Variants in RNF38 observed in about 807,000 individuals in gnomAD.
RNF38 encodes the protein E3 ubiquitin-protein ligase RNF38.
Under a neutral mutation model 67.2 loss-of-function variants are expected in RNF38, and 15 were observed. That is an observed-to-expected ratio of 0.22 (90% CI 0.15 to 0.34). RNF38 has a LOEUF of 0.34. RNF38 is among the 10% of genes least tolerant of loss of function. The pLI, the probability that RNF38 is intolerant of heterozygous loss-of-function variation, is 1.00. For missense variants in RNF38, 524 were observed against 639.9 expected, an observed-to-expected ratio of 0.82 and a Z score of 1.95; for synonymous variants, 220 against 218.8, an observed-to-expected ratio of 1.01 and a Z score of -0.05.
At position 36,377,045 on chromosome 9, in the gene RNF38, C is replaced by T. The variant is rs542080996; in HGVS notation, c.163-918G>A. Among the ~76,000 whole-genome samples, 3 of 151,676 alleles carry T rather than the reference C, an allele frequency of 2.0e-5. No homozygotes were observed. The East Asian group carries it at 5.8e-4, about 29-fold the overall frequency. On this transcript the variant is annotated intron_variant, in intron 2 of 11. Coordinates refer to ENST00000259605, the MANE Select transcript of RNF38 (RefSeq NM_022781.5). ...AGAATATCACAGCAGTTTGGAAGTA[C>T]TTTTAAAGTTTTCAAGGGTCCCACA...
chr9:36,411,871 A>G (rs1042205425), intron 2 of RNF38, among the ~76,000 whole-genome samples: 9 of 152,108 alleles, frequency 5.9e-5, no homozygotes, highest in African/African-American at 1.7e-4. Context: ...GCTCAGCCTT[A>G]CAAAAGAGTA....
At position 36,450,673 on chromosome 9, in the gene RNF38, G is replaced by A. The variant is rs973355413; in HGVS notation, n.242-25990C>T. Among the ~76,000 whole-genome samples the A allele has an allele frequency of 2.6e-5, 4 of 152,264 alleles. No homozygotes were observed. The South Asian group carries it at 6.2e-4, about 24-fold the overall frequency. ...CTCATGCCTGTAATCCTAGCACTTT[G>A]GGAGGCTGAGGTGGGCGAATCACCT... On this transcript the variant is annotated intron_variant and non_coding_transcript_variant, in intron 1 of 3. Coordinates refer to the RNF38 transcript ENST00000488058.
intron 1 of RNF38, among the ~76,000 whole-genome samples, chr9:36,393,237 T>C (rs1309881355): frequency 6.6e-6 from 1 of 152,200 alleles, no homozygotes; most frequent in East Asian, 1.9e-4. Flanking sequence ...TCTTAAGATC[T>C]TGGTCATAGA....
chr9:36,351,104 C>G lies in RNF38; in HGVS notation c.1263+11G>C, dbSNP rs1469940199. The G allele has an allele frequency of 6.4e-7, 1 of 1,567,832 alleles. No individual in the cohort carries two copies. Among genetic ancestry groups the G allele is most frequent in the Non-Finnish European group, 8.8e-7 (1 of 1,139,434 alleles). ...ATATTCCCCAAATTAATTCACAATT[C>G]ATCTACTAACCTCGTAATTTTCTAC... On this transcript the variant is annotated intron_variant, in intron 9 of 11. Transcript: ENST00000259605.
chr9:36,440,370 A>C (rs1262814624), intron 1 of RNF38, among the ~76,000 whole-genome samples: 1 of 152,204 alleles, frequency 6.6e-6, no homozygotes, highest in Admixed American at 6.5e-5. Context: ...AGTCTCTACT[A>C]AAAATACAAA....
chr9:36,373,126 G>A (rs1203234183), intron 3 of RNF38, among the ~76,000 whole-genome samples: 1 of 152,168 alleles, frequency 6.6e-6, no homozygotes, highest in African/African-American at 2.4e-5. Context: ...AGAATCACTT[G>A]AATGTGGGAG....
At chr9:36,477,201 G>A (rs1587212002) in intron 1 of RNF38, among the ~76,000 whole-genome samples, 4 of 151,802 alleles carry the variant, frequency 2.6e-5, no homozygotes, top group Non-Finnish European at 1.5e-5. Flanking sequence ...GTGGGCGCCT[G>A]TAATTCCAGC....
Position 36,342,335 on chromosome 9 carries a change from T to A in RNF38, c.1475A>T (p.Lys492Ile). The change falls in exon 11 of 12, where the codon AAA becomes ATA. Residue 492 changes from lysine (K) to isoleucine (I), a missense_variant. Transcript: ENST00000259605. ...NHEFHAKCVD[K>I]WLKANRTCPI... ...ATGTCATCACTTTACCTTAAGCCAT[T>A]TGTCAACACACTTGGCATGGAACTC... 1 of 1,608,884 alleles carries A rather than the reference T, an allele frequency of 6.2e-7. No homozygotes were observed. The highest frequency in any genetic ancestry group is 2.2e-5 in the East Asian group (1 of 44,846).
chr9:36,342,708 C>T (rs1832939818), intron 10 of RNF38, among the ~76,000 whole-genome samples: 1 of 152,028 alleles, frequency 6.6e-6, no homozygotes, highest in Non-Finnish European at 1.5e-5. Context: ...TGTCCACATA[C>T]AAAAGAATAA....
intron 2 of RNF38, among the ~76,000 whole-genome samples, chr9:36,418,047 G>T: frequency 6.9e-6 from 1 of 144,338 alleles, no homozygotes. Context: ...ATCAATATGT[G>T]ATTTTTTTTT....
At chr9:36,354,844 A>G (rs183852125) in intron 6 of RNF38, among the ~76,000 whole-genome samples, 112 of 152,386 alleles carry the variant, frequency 7.3e-4, no homozygotes, top group Non-Finnish European at 9.1e-4. Context: ...TTATTCAAAT[A>G]TAAGTAAATA....
At chr9:36,410,954 G>A (rs1240097176) in intron 2 of RNF38, among the ~76,000 whole-genome samples, 4 of 152,104 alleles carry the variant, frequency 2.6e-5, no homozygotes, top group Non-Finnish European at 4.4e-5. Context: ...ATGGAGAGTG[G>A]TGGTGGCTGC....
chr9:36,362,237 A>T (rs1435053293), intron 4 of RNF38, among the ~76,000 whole-genome samples: 1 of 151,876 alleles, frequency 6.6e-6, no homozygotes, highest in Admixed American at 6.6e-5. Flanking sequence ...GGGCACCTAT[A>T]ATCCCAGCTA....
At chr9:36,454,580 C>CTTTTTT (rs377679133) in intron 1 of RNF38, among the ~76,000 whole-genome samples, 2 of 112,466 alleles carry the variant, frequency 1.8e-5, no homozygotes, top group African/African-American at 3.4e-5. Flanking sequence ...CATTAATTTA[C>CTTTTTT]TTTTTTTTTT....
chr9:36,429,399 T>C (rs1478573688), intron 1 of RNF38, among the ~76,000 whole-genome samples: 2 of 152,202 alleles, frequency 1.3e-5, no homozygotes, highest in Non-Finnish European at 1.5e-5. Flanking sequence ...AAGCCCTTTA[T>C]ATAAAATGGC....
intron 1 of RNF38, among the ~76,000 whole-genome samples, chr9:36,476,387 T>C (rs1375676310): frequency 1.3e-5 from 2 of 152,026 alleles, no homozygotes; most frequent in African/African-American, 2.4e-5. Context: ...GCTAGGATTA[T>C]AGGCATGAGC....
intron 2 of RNF38, among the ~76,000 whole-genome samples, chr9:36,415,343 A>G (rs182888247): frequency 1.3e-3 from 199 of 151,886 alleles, no homozygotes; most frequent in Middle Eastern, 6.8e-3. Flanking sequence ...TTTGTATTTA[A>G]GTGTGTCTTT....
chr9:36,443,481 T>C (rs1839240103), intron 1 of RNF38, among the ~76,000 whole-genome samples: 1 of 152,206 alleles, frequency 6.6e-6, no homozygotes, highest in Non-Finnish European at 1.5e-5. Context: ...AAAGCAATTC[T>C]ATCTTTATAT....
chr9:36,408,160 A>G (rs1838227912), intron 2 of RNF38, among the ~76,000 whole-genome samples: 1 of 152,050 alleles, frequency 6.6e-6, no homozygotes, highest in African/African-American at 2.4e-5. Context: ...GTGCAGTGTC[A>G]TGATCACAGC....
Sources: allele counts gnomAD v4.1 joint callset (sites outside exome capture counted in the v4.1 genomes callset), GRCh38; gene constraint gnomAD v4.1.1; transcripts MANE v1.5; gene names NCBI Gene and HGNC (gene_info 2026-07-23, HGNC 2026-07-21).